The following BICDL1 variants were observed in gnomAD, a reference collection of about 807,000 sequenced individuals.
BICDL1 encodes the protein BICD family like cargo adaptor 1.
BICDL1 carries 20 observed loss-of-function variants against 76.8 expected under a neutral mutation model. That is an observed-to-expected ratio of 0.26 (90% CI 0.18 to 0.38). The LOEUF (loss-of-function observed/expected upper bound fraction) is 0.38. Ranked by LOEUF, BICDL1 falls within the 10% of genes least tolerant of loss-of-function variation. The pLI, the probability that BICDL1 is intolerant of heterozygous loss-of-function variation, is 1.00. For synonymous variants in BICDL1, 383 were observed against 337.1 expected, an observed-to-expected ratio of 1.14 and a Z score of -1.49; for missense variants, 700 against 798.6, an observed-to-expected ratio of 0.88 and a Z score of 1.49.
At chr12:120,023,075 A>G (rs897266051) in intron 2 of BICDL1, among the ~76,000 whole-genome samples, 2 of 152,248 alleles carry the variant, frequency 1.3e-5, no homozygotes, top group African/African-American at 4.8e-5. Context: ...GTACTTGGGA[A>G]GGTGTTGCCT....
rs1951460091 is a variant in BICDL1 at position 119,989,244 on chromosome 12, G to T, written c.-625G>T. On this transcript the variant is annotated 5_prime_UTR_variant, in exon 1 of 10. Transcript: ENST00000548673. ...GAGGAGCCGGGGAAGGCAGGAAGGA[G>T]CTCGCCGGGTTGCGCGGCGCGCGAT... 6.7e-6 allele frequency among the ~76,000 whole-genome samples: 1 copy of T among 150,058 alleles called. No individual in the cohort carries two copies. Among genetic ancestry groups the T allele is most frequent in the African/African-American group, 2.4e-5 (1 of 41,200 alleles).
intron 2 of BICDL1, among the ~76,000 whole-genome samples, chr12:120,020,153 C>T (rs904448389): frequency 6.6e-6 from 1 of 151,960 alleles, no homozygotes; most frequent in African/African-American, 2.4e-5. Context: ...TGACTAATTC[C>T]AGGTCTGAAA....
intron 7 of BICDL1, among the ~76,000 whole-genome samples, chr12:120,077,897 A>C (rs1276252055): frequency 6.6e-6 from 1 of 151,538 alleles, no homozygotes; most frequent in Admixed American, 6.6e-5. Flanking sequence ...ATCAAATAGC[A>C]GGAAGCCTTG....
intron 8 of BICDL1, among the ~76,000 whole-genome samples, chr12:120,081,406 C>T (rs752051321): frequency 7.2e-6 from 1 of 138,340 alleles, no homozygotes; most frequent in Non-Finnish European, 1.5e-5. Flanking sequence ...GGCTGCAGTG[C>T]GATGGCGCGA....
chr12:120,050,301 C>CT (rs1268464632), intron 2 of BICDL1, among the ~76,000 whole-genome samples: 2 of 148,392 alleles, frequency 1.3e-5, no homozygotes, highest in African/African-American at 5.0e-5. Context: ...GAGTCTCACT[C>CT]TGTCGCCCAG....
At chr12:120,077,210 A>G (rs1873618745) in intron 7 of BICDL1, among the ~76,000 whole-genome samples, 1 of 152,268 alleles carries the variant, frequency 6.6e-6, no homozygotes, top group Admixed American at 6.5e-5. Flanking sequence ...AATAAAGGAA[A>G]GCGTAGGTTT....
At chr12:119,996,937 C>G (rs978629432) in intron 1 of BICDL1, among the ~76,000 whole-genome samples, 42 of 150,992 alleles carry the variant, frequency 2.8e-4, no homozygotes, top group African/African-American at 9.6e-4. Context: ...ATATTTATCT[C>G]AGAAACAAAA....
chr12:120,056,043 G>A (rs1039216604), intron 2 of BICDL1, among the ~76,000 whole-genome samples: 5 of 152,072 alleles, frequency 3.3e-5, no homozygotes, highest in African/African-American at 7.2e-5. Context: ...AGTTAAATTA[G>A]AATAAGGTAG....
At chr12:120,076,348 A>G (rs1258372426) in intron 7 of BICDL1, among the ~76,000 whole-genome samples, 4 of 152,226 alleles carry the variant, frequency 2.6e-5, no homozygotes, top group Non-Finnish European at 5.9e-5. Flanking sequence ...TCTTTGGATT[A>G]ATAAAAGTTT....
chr12:120,008,819 A>G (rs1467724838), intron 2 of BICDL1, among the ~76,000 whole-genome samples: 1 of 152,178 alleles, frequency 6.6e-6, no homozygotes, highest in Non-Finnish European at 1.5e-5. Flanking sequence ...TAAAACAGAA[A>G]AGGGCCTTTT....
At chr12:120,019,975 G>A (rs890637114) in intron 2 of BICDL1, among the ~76,000 whole-genome samples, 1 of 152,170 alleles carries the variant, frequency 6.6e-6, no homozygotes, top group Non-Finnish European at 1.5e-5. Flanking sequence ...AAAGAGGTTA[G>A]GATGTATAGG....
chr12:120,039,352 T>G (rs1952588386), intron 2 of BICDL1, among the ~76,000 whole-genome samples: 1 of 145,952 alleles, frequency 6.9e-6, no homozygotes, highest in Non-Finnish European at 1.5e-5. Flanking sequence ...TAGAAAAGGC[T>G]TCATGGGCCG....
chr12:120,015,141 C>CA (rs1952034525), intron 2 of BICDL1, among the ~76,000 whole-genome samples: 2 of 152,268 alleles, frequency 1.3e-5, no homozygotes, highest in African/African-American at 2.4e-5. Flanking sequence ...TTCCCACTTG[C>CA]AGTGGGAAGG....
intron 2 of BICDL1, among the ~76,000 whole-genome samples, chr12:120,027,549 C>T (rs1186783337): frequency 2.6e-5 from 4 of 152,112 alleles, no homozygotes; most frequent in Non-Finnish European, 5.9e-5. Flanking sequence ...AACCAAGACC[C>T]AGAGAGGCTG....
At position 120,052,169 on chromosome 12, in the gene BICDL1, C is replaced by G. The variant is rs535412555; in HGVS notation, c.646-9541C>G. ...ATGTTGGCCAGGCTGGTCTTGAACT[C>G]CTGACCTCGTGATCTGCCCACCTTG... is the stretch of plus-strand genomic sequence containing the variant. On this transcript the variant is annotated intron_variant, in intron 2 of 9. Coordinates refer to ENST00000548673, the MANE Select transcript of BICDL1 (RefSeq NM_001367886.1). 3.1e-4 allele frequency among the ~76,000 whole-genome samples: 47 copies of G among 152,126 alleles called. 1 individual carries two copies. Among genetic ancestry groups the G allele is most frequent in the Admixed American group, 2.8e-3 (43 of 15,258 alleles).
At chr12:120,001,689 C>T (rs950488841) in intron 2 of BICDL1, among the ~76,000 whole-genome samples, 9 of 152,164 alleles carry the variant, frequency 5.9e-5, no homozygotes, top group Non-Finnish European at 1.2e-4. Flanking sequence ...CAGGGCTGCT[C>T]TTCTCTTTAT....
At chr12:120,074,676 T>TCACACA in intron 7 of BICDL1, 90 bp downstream of exon 7, 1 of 955,688 alleles carries the variant, frequency 1.0e-6, no homozygotes, top group Non-Finnish European at 1.3e-6. Flanking sequence ...CTCCCATTTC[T>TCACACA]GTGTGAGAAG....
rs143777152 is a variant in BICDL1 at position 120,057,818 on chromosome 12, C to CTTTTTTTTTTTTTTTT, written c.646-3877_646-3862dup. Among the ~76,000 whole-genome samples the CTTTTTTTTTTTTTTTT allele has an allele frequency of 5.0e-4, 39 of 78,324 alleles. 2 individuals carry two copies. Among genetic ancestry groups the CTTTTTTTTTTTTTTTT allele is most frequent in the African/African-American group, 2.5e-3 (39 of 15,696 alleles). 51.4% of individuals were successfully genotyped at this position (78,324 alleles called of 152,430 possible). A position where few individuals can be genotyped will look rare whatever the true frequency, so the allele number is the denominator to read the frequency against. On this transcript the variant is annotated intron_variant, in intron 2 of 9. Transcript: ENST00000548673. ...TGCAAAAGGAGGCCAGCGATTCCTG[C>CTTTTTTTTTTTTTTTT]TTTTTTTTTTTTTTTTTTTTTTTTT...
intron 2 of BICDL1, among the ~76,000 whole-genome samples, chr12:120,025,934 T>A (rs1386228005): frequency 1.3e-5 from 2 of 152,074 alleles, no homozygotes; most frequent in African/African-American, 4.8e-5. Flanking sequence ...ACCTCCAGGG[T>A]TCAAGTGATT....
Sources: gnomAD v4.1 joint callset for allele counts (sites outside exome capture counted in the v4.1 genomes callset) on GRCh38, gnomAD v4.1.1 for gene constraint, MANE v1.5 for transcripts, NCBI Gene and HGNC (gene_info 2026-07-23, HGNC 2026-07-21) for gene names.